PDE10A: variants seen among roughly 807,000 people sequenced by gnomAD.
PDE10A encodes the protein phosphodiesterase 10A, also known as cAMP and cAMP-inhibited cGMP 3',5'-cyclic phosphodiesterase 10A.
PDE10A carries 39 observed loss-of-function variants against 97.7 expected under a neutral mutation model. That is an observed-to-expected ratio of 0.40 (90% CI 0.31 to 0.52). PDE10A has a LOEUF of 0.52. Among genes scored for constraint, PDE10A ranks in the 20% least tolerant of loss-of-function variants. PDE10A has a pLI of 0.56. For missense variants in PDE10A, 731 were observed against 1,047.8 expected (o/e 0.70, Z 4.17); for synonymous variants, 371 against 376.8 (o/e 0.98, Z 0.18).
chr6:165,362,504 G>C (rs1036634623), intron 18 of PDE10A, among the ~76,000 whole-genome samples: 1 of 152,094 alleles, frequency 6.6e-6, no homozygotes, highest in Non-Finnish European at 1.5e-5. Flanking sequence ...GACTAAATAT[G>C]ACATAAGAAG....
At chr6:165,541,974 G>A (rs938682302) in intron 2 of PDE10A, among the ~76,000 whole-genome samples, 12 of 152,106 alleles carry the variant, frequency 7.9e-5, no homozygotes, top group Non-Finnish European at 5.9e-5. Context: ...AAAAATTAGT[G>A]AGAAAAATTA....
At chr6:165,665,657 A>C (rs1456009095), upstream of PDE10A, among the ~76,000 whole-genome samples, 1 of 152,014 alleles carries the variant, frequency 6.6e-6, no homozygotes, top group Non-Finnish European at 1.5e-5. Context: ...AATTTTCCTT[A>C]CTTTCAGCTG....
At chr6:165,765,214 C>A (rs192181411) in intron 1 of PDE10A, among the ~76,000 whole-genome samples, 2,585 of 152,368 alleles carry the variant, frequency 0.017, 28 homozygotes, top group African/African-American at 0.059. Flanking sequence ...AGGAGCCCAG[C>A]TGGCTTCACC....
chr6:165,471,017 T>C (rs1778968624), intron 3 of PDE10A, among the ~76,000 whole-genome samples: 1 of 152,150 alleles, frequency 6.6e-6, no homozygotes, highest in South Asian at 2.1e-4. Flanking sequence ...AACAATTGTA[T>C]CTATTGCTGC....
At chr6:165,894,299 A>G (rs1250538063) in intron 1 of PDE10A, 2 of 456,100 alleles carry the variant, frequency 4.4e-6, no homozygotes, top group Admixed American at 2.3e-5. Flanking sequence ...TGTTGATCCA[A>G]TCTGCAGATG....
chr6:165,407,104 C>T (rs138667642), intron 13 of PDE10A, among the ~76,000 whole-genome samples: 2 of 152,234 alleles, frequency 1.3e-5, no homozygotes, highest in East Asian at 1.9e-4. Flanking sequence ...CCTAAGTCCT[C>T]GCTCGTGTAT....
chr6:165,747,200 A>AT (rs962084253), intron 1 of PDE10A, among the ~76,000 whole-genome samples: 17 of 152,194 alleles, frequency 1.1e-4, no homozygotes, highest in Non-Finnish European at 2.4e-4. Flanking sequence ...TAAAATAAAC[A>AT]TTTTTTTAAA....
chr6:165,339,725 A>C (rs542193233), intron 19 of PDE10A, among the ~76,000 whole-genome samples: 1 of 152,240 alleles, frequency 6.6e-6, no homozygotes, highest in Non-Finnish European at 1.5e-5. Context: ...TTCCAAGTGC[A>C]TGGAACTCAG....
At chr6:165,473,398 T>C (rs987260288) in intron 3 of PDE10A, among the ~76,000 whole-genome samples, 2 of 152,138 alleles carry the variant, frequency 1.3e-5, no homozygotes, top group African/African-American at 4.8e-5. Flanking sequence ...ACAAAGCTGA[T>C]AGGAACAGGA....
intron 1 of PDE10A, among the ~76,000 whole-genome samples, chr6:165,810,606 G>A (rs1190360474): frequency 1.3e-5 from 2 of 152,076 alleles, no homozygotes; most frequent in South Asian, 4.2e-4. Context: ...GAACATCTCT[G>A]GCACCAAACT....
intron 2 of PDE10A, among the ~76,000 whole-genome samples, chr6:165,540,881 C>T (rs9459447): frequency 6.6e-6 from 1 of 151,966 alleles, no homozygotes; most frequent in Non-Finnish European, 1.5e-5. Flanking sequence ...CTTCCCACCT[C>T]GGCCTCCCAA....
intron 5 of PDE10A, among the ~76,000 whole-genome samples, chr6:165,439,813 T>C (rs1454105068): frequency 6.6e-6 from 1 of 152,186 alleles, no homozygotes; most frequent in Admixed American, 6.5e-5. Flanking sequence ...GGGAAATAAA[T>C]AGATTTGGTG....
chr6:165,503,082 C>A (rs534396106), intron 2 of PDE10A, among the ~76,000 whole-genome samples: 1 of 152,076 alleles, frequency 6.6e-6, no homozygotes, highest in African/African-American at 2.4e-5. Flanking sequence ...GACGCAAGCC[C>A]CACCATTTCT....
At chr6:165,938,079 T>G (rs1292146053) in intron 1 of PDE10A, among the ~76,000 whole-genome samples, 1 of 152,130 alleles carries the variant, frequency 6.6e-6, no homozygotes, top group Admixed American at 6.5e-5. Context: ...GTATCAAAGG[T>G]CTAAATATAT....
chr6:165,543,583 A>T lies in PDE10A; in HGVS notation c.866-15T>A. 6.3e-7 allele frequency: 1 copy of T among 1,597,242 alleles called. No homozygotes were observed. Among genetic ancestry groups the T allele is most frequent in the Non-Finnish European group, 8.6e-7 (1 of 1,169,490 alleles). On this transcript the variant is annotated splice_polypyrimidine_tract_variant and intron_variant, in intron 1 of 21. Coordinates refer to ENST00000539869, the MANE Select transcript of PDE10A (RefSeq NM_001385079.1). Reference sequence around the variant, plus strand: ...ATCTGTCAAACCTGTAAAAGAATTGAAAAGAATAAAATTCACCTATACAAC... The same window carrying T: ...ATCTGTCAAACCTGTAAAAGAATTGTAAAGAATAAAATTCACCTATACAAC...
At position 165,934,160 on chromosome 6, in the gene PDE10A, T is replaced by TC. The variant is rs1021781697; in HGVS notation, c.-615+53368_-615+53369insG. Among the ~76,000 whole-genome samples, 61 of 149,516 alleles carry TC rather than the reference T, an allele frequency of 4.1e-4. 1 individual carries two copies. The highest frequency in any genetic ancestry group is 1.7e-3 in the South Asian group (8 of 4,684). ...CACCATGCCTGGCTGATCTTTTTTT[T>TC]TTTTTTTTTTTGTACTTTTAGTGGA... On this transcript the variant is annotated intron_variant, in intron 1 of 19. Coordinates refer to the PDE10A transcript ENST00000366882.
chr6:165,763,485 G>A (rs1361942066), intron 1 of PDE10A, among the ~76,000 whole-genome samples: 2 of 152,120 alleles, frequency 1.3e-5, no homozygotes, highest in East Asian at 3.9e-4. Context: ...ACCATACCCA[G>A]CTAATTTTTG....
In PDE10A at chr6:165,682,813, TC is replaced by T. The variant is rs574819364; in HGVS notation, c.-614-139246del. Among the ~76,000 whole-genome samples the T allele has an allele frequency of 1.6e-4, 24 of 152,196 alleles. 1 individual carries two copies. The highest frequency in any genetic ancestry group is 3.3e-4 in the Admixed American group (5 of 15,286). ...CCATCAACAGGGAACGTGAAGATCA[TC>T]ACTGACAAAGATCTAGAATCTGCTG... On this transcript the variant is annotated intron_variant, in intron 1 of 19. Coordinates refer to the PDE10A transcript ENST00000366882.
chr6:165,662,488 G>C lies in PDE10A; in HGVS notation c.324C>G (p.Val108=), dbSNP rs1790333790. 1.3e-5 allele frequency: 2 copies of C among 148,568 alleles called. No individual in the cohort carries two copies. The highest frequency in any genetic ancestry group is 1.3e-4 in the Admixed American group (2 of 15,000). The allele number at this position is 148,568 out of a possible 1,614,324, so 9.2% of individuals were successfully genotyped here. ...AAAAGAAAGATGGAGAGGAGGAGGG[G>C]ACCCGGGACGAGAAGGCGAGCGCCA... ...APLALAFSSR[V]PSSSPSFFYF... is the part of the protein sequence containing the mutation. The change falls in exon 1 of 22, where the codon GTC becomes GTG. Residue 108 remains valine, a synonymous_variant. Coordinates refer to ENST00000539869, the MANE Select transcript of PDE10A (RefSeq NM_001385079.1).
Sources: allele counts gnomAD v4.1 joint callset (sites outside exome capture counted in the v4.1 genomes callset), GRCh38; gene constraint gnomAD v4.1.1; transcripts MANE v1.5; gene names NCBI Gene and HGNC (gene_info 2026-07-23, HGNC 2026-07-21).